Variants in TRPM3 observed in about 807,000 individuals in gnomAD.
TRPM3 encodes long transient receptor potential channel 3.
TRPM3 carries 77 observed loss-of-function variants against 181.2 expected under a neutral mutation model. The ratio of observed to expected loss-of-function variants is 0.42; its 90% CI spans 0.35 to 0.51. TRPM3 has a LOEUF of 0.51. TRPM3 is among the 20% of genes least tolerant of loss of function. TRPM3 has a pLI of 0.01. For missense variants in TRPM3, 1,759 were observed against 2,196.7 expected (o/e 0.80, Z 3.98); for synonymous variants, 745 against 796.4 (o/e 0.94, Z 1.09).
At chr9:70,979,828 C>A (rs2097345212) in intron 1 of TRPM3, among the ~76,000 whole-genome samples, 1 of 152,156 alleles carries the variant, frequency 6.6e-6, no homozygotes, top group Admixed American at 6.5e-5. Flanking sequence ...GGCTTCTCTC[C>A]TTTGGCTTGC....
intron 1 of TRPM3, among the ~76,000 whole-genome samples, chr9:71,025,531 A>T (rs987300847): frequency 1.3e-5 from 2 of 152,214 alleles, no homozygotes; most frequent in Admixed American, 1.3e-4. Flanking sequence ...GGAAAATACC[A>T]TTTCTGTAAT....
At chr9:70,697,089 G>A (rs1587466881) in intron 8 of TRPM3, among the ~76,000 whole-genome samples, 1 of 152,114 alleles carries the variant, frequency 6.6e-6, no homozygotes, top group Non-Finnish European at 1.5e-5. Context: ...CTTATGACAA[G>A]AATGGAAATA....
chr9:70,662,331 C>T (rs1196881250), intron 9 of TRPM3, among the ~76,000 whole-genome samples: 1 of 152,120 alleles, frequency 6.6e-6, no homozygotes, highest in Non-Finnish European at 1.5e-5. Context: ...TAGAAGATAA[C>T]ATCAAAAATA....
intron 1 of TRPM3, among the ~76,000 whole-genome samples, chr9:71,322,590 A>AT (rs2089331091): frequency 6.6e-6 from 1 of 152,128 alleles, no homozygotes; most frequent in South Asian, 2.1e-4. Flanking sequence ...CACGGACAAC[A>AT]TTTTAGGAGC....
intron 1 of TRPM3, among the ~76,000 whole-genome samples, chr9:70,944,679 C>T (rs765090788): frequency 2.6e-5 from 4 of 152,110 alleles, no homozygotes; most frequent in Admixed American, 6.6e-5. Flanking sequence ...GATTTAGGGA[C>T]ATTCATTAGA....
rs1352031152 is a variant in TRPM3 at position 70,686,837 on chromosome 9, CT to C, written c.1273-5260del. Among the ~76,000 whole-genome samples the C allele has an allele frequency of 7.5e-4, 42 of 55,694 alleles. 3 individuals carry two copies. Among genetic ancestry groups the C allele is most frequent in the African/African-American group, 2.7e-3 (40 of 14,662 alleles). The allele number at this position is 55,694 out of a possible 152,430, so 36.5% of individuals were successfully genotyped here. A position where few individuals can be genotyped will look rare whatever the true frequency, so the allele number is the denominator to read the frequency against. On this transcript the variant is annotated intron_variant, in intron 8 of 25. Coordinates refer to ENST00000677713, the MANE Select transcript of TRPM3 (RefSeq NM_001366145.2). ...TTCTTTTCTTTTTCTTTTTTTTTTT[CT>C]TTTTTGAGACAGGGTCTCACTCTGT...
chr9:70,828,109 A>G (rs2093664175), intron 5 of TRPM3, 91 bp from the exon 6 acceptor site: 1 of 1,295,436 alleles, frequency 7.7e-7, no homozygotes, highest in Non-Finnish European at 1.1e-6. Context: ...AGAGGAAGAA[A>G]GAACATCAGT....
intron 1 of TRPM3, among the ~76,000 whole-genome samples, chr9:71,418,186 C>G (rs991685059): frequency 3.6e-4 from 54 of 152,008 alleles, no homozygotes; most frequent in African/African-American, 1.3e-3. Flanking sequence ...TTCCACCACA[C>G]TGGCAATGGG....
intron 1 of TRPM3, among the ~76,000 whole-genome samples, chr9:71,074,332 C>G (rs2063161215): frequency 6.6e-6 from 1 of 152,042 alleles, no homozygotes; most frequent in Non-Finnish European, 1.5e-5. Flanking sequence ...TTTGCTTATT[C>G]CTGTTCATCT....
intron 1 of TRPM3, among the ~76,000 whole-genome samples, chr9:70,985,255 A>G (rs1895065): frequency 0.14 from 21,330 of 152,146 alleles, 1,637 homozygotes; most frequent in African/African-American, 0.21. Flanking sequence ...CTCTGCTGGA[A>G]GGTGTCTGGG....
chr9:71,142,626 C>A (rs979279069), intron 1 of TRPM3, among the ~76,000 whole-genome samples: 3 of 151,958 alleles, frequency 2.0e-5, no homozygotes, highest in African/African-American at 7.3e-5. Context: ...ATTAAAAGAA[C>A]CATGCTAATT....
intron 1 of TRPM3, among the ~76,000 whole-genome samples, chr9:71,291,239 T>C (rs1326667112): frequency 6.6e-6 from 1 of 152,080 alleles, no homozygotes; most frequent in Non-Finnish European, 1.5e-5. Flanking sequence ...TTTTCCAAAA[T>C]TGGGAGATTC....
At chr9:71,321,069 A>G (rs2089179420) in intron 1 of TRPM3, among the ~76,000 whole-genome samples, 1 of 152,086 alleles carries the variant, frequency 6.6e-6, no homozygotes, top group Non-Finnish European at 1.5e-5. Context: ...TTAAGTTACC[A>G]TCATGGACAA....
intron 1 of TRPM3, among the ~76,000 whole-genome samples, chr9:71,053,752 T>C (rs2060332353): frequency 6.6e-6 from 1 of 152,182 alleles, no homozygotes; most frequent in South Asian, 2.1e-4. Flanking sequence ...CCAGCACATT[T>C]CCAAAAGGTA....
At chr9:71,194,895 C>T (rs2078251903) in intron 1 of TRPM3, among the ~76,000 whole-genome samples, 1 of 151,690 alleles carries the variant, frequency 6.6e-6, no homozygotes, top group South Asian at 2.1e-4. Flanking sequence ...ATCTATACTG[C>T]AAAAAACACC....
chr9:70,784,347 C>G, intron 6 of TRPM3, 68 bp from the exon 7 acceptor site: 3 of 1,462,088 alleles, frequency 2.1e-6, no homozygotes, highest in Non-Finnish European at 9.1e-7. Context: ...ACCAAAGAAA[C>G]AAAAAGAGAA....
chr9:71,281,586 G>C (rs1236806210), intron 1 of TRPM3, among the ~76,000 whole-genome samples: 2 of 152,078 alleles, frequency 1.3e-5, no homozygotes, highest in African/African-American at 4.8e-5. Flanking sequence ...CCTTTTCATT[G>C]CTGTCTACAG....
chr9:71,303,730 A>G (rs906394880), intron 1 of TRPM3, among the ~76,000 whole-genome samples: 7 of 152,126 alleles, frequency 4.6e-5, no homozygotes, highest in Non-Finnish European at 5.9e-5. Flanking sequence ...AATTACAGAG[A>G]TACAGAAAAT....
At chr9:70,787,763 C>CTTTTTTTTTTTTTTTTTTTTTTTTATT in intron 6 of TRPM3, among the ~76,000 whole-genome samples, 1 of 68,558 alleles carries the variant, frequency 1.5e-5, no homozygotes, top group Non-Finnish European at 2.6e-5. Flanking sequence ...TTTTTGGATT[C>CTTTTTTTTTTTTTTTTTTTTTTTTATT]TTTTTTTTTT....
Sources: gnomAD v4.1 joint callset for allele counts (sites outside exome capture counted in the v4.1 genomes callset) on GRCh38, gnomAD v4.1.1 for gene constraint, MANE v1.5 for transcripts, NCBI Gene and HGNC (gene_info 2026-07-23, HGNC 2026-07-21) for gene names.